Variants in ELOF1 observed in about 807,000 individuals in gnomAD.
The protein encoded by ELOF1 is elongation factor 1, also known as transcription elongation factor 1 homolog.
A neutral mutation model predicts 7.1 loss-of-function variants in ELOF1; 4 were observed. The ratio of observed to expected loss-of-function variants is 0.56; its 90% CI spans 0.28 to 1.29. The LOEUF (loss-of-function observed/expected upper bound fraction) is 1.29. Among genes scored for constraint, ELOF1 ranks in the 50% most tolerant of loss-of-function variants. The pLI is 0.10. For synonymous variants in ELOF1, 31 were observed against 31.9 expected (o/e 0.97, Z 0.09); for missense variants, 59 against 86.3 (o/e 0.68, Z 1.25).
chr19:11,555,970 T>C (rs559678235), intron 1 of ELOF1, among the ~76,000 whole-genome samples: 3 of 151,976 alleles, frequency 2.0e-5, no homozygotes, highest in South Asian at 4.2e-4. Context: ...TTCTCTGATG[T>C]CTAACACATA....
intron 1 of ELOF1, among the ~76,000 whole-genome samples, chr19:11,556,743 G>A (rs1972840405): frequency 6.6e-6 from 1 of 152,144 alleles, no homozygotes; most frequent in Non-Finnish European, 1.5e-5. Flanking sequence ...TGTTGCCCAG[G>A]CTGGAGTGCA....
intron 3 of ELOF1, chr19:11,553,582 TA>T (rs1972768463): frequency 5.5e-6 from 3 of 546,314 alleles, no homozygotes; most frequent in African/African-American, 2.1e-5. Flanking sequence ...GCACACCCAC[TA>T]CACACACACA....
chr19:11,554,522 A>T (rs1972799336), intron 1 of ELOF1, 157 bp from the exon 2 acceptor site: 3 of 1,068,672 alleles, frequency 2.8e-6, no homozygotes, highest in Admixed American at 5.8e-5. Context: ...ATGCAGGAGG[A>T]CAATTCCCTG....
chr19:11,557,227 T>C (rs1259640901), intron 1 of ELOF1, among the ~76,000 whole-genome samples: 1 of 152,126 alleles, frequency 6.6e-6, no homozygotes, highest in Non-Finnish European at 1.5e-5. Flanking sequence ...GTGCTCCCTG[T>C]CCTCTGCCTC....
chr19:11,554,776 TA>T (rs879666033), intron 1 of ELOF1: 978 of 159,614 alleles, frequency 6.1e-3, no homozygotes, highest in Middle Eastern at 0.012. Flanking sequence ...GCCTCATCTC[TA>T]AAAAAAAAAA....
chr19:11,553,291 G>A (rs772365492), intron 3 of ELOF1: 44 of 409,596 alleles, frequency 1.1e-4, no homozygotes, highest in Non-Finnish European at 1.6e-4. Context: ...GTGCTGGTGA[G>A]GAGGCTGGAG....
chr19:11,557,954 T>A (rs2145061465), intron 1 of ELOF1, among the ~76,000 whole-genome samples: 1 of 152,318 alleles, frequency 6.6e-6, no homozygotes, highest in South Asian at 2.1e-4. Flanking sequence ...TAGGGCTTCA[T>A]GCCTACTCTA....
At position 11,554,240 on chromosome 19, in the gene ELOF1, A is replaced by G. The variant is rs759993365; in HGVS notation, c.108T>C (p.Asp36=). Residue 36 remains aspartate, a synonymous_variant, in exon 2 of 4, where the codon GAT becomes GAC. Coordinates refer to ENST00000586683, the Ensembl canonical transcript of ELOF1. The stretch of plus-strand genomic sequence containing the variant: ...CCCTGTTCCCCACTCACATTTTCAC[A>G]TCACAGGATTTCTCGTGGTTGCAGA... 1.9e-6 allele frequency: 3 copies of G among 1,612,910 alleles called. No individual in the cohort carries two copies. In the East Asian group the frequency reaches 6.7e-5, roughly 36 times the overall value.
At chr19:11,553,854 GC>G (rs1972781121) in intron 3 of ELOF1, 44 bp from the exon 4 acceptor site, 1 of 1,613,386 alleles carries the variant, frequency 6.2e-7, no homozygotes, top group Non-Finnish European at 8.5e-7. Flanking sequence ...TTGGAACCCT[GC>G]CCTGCATCTT....
chr19:11,554,823 T>C (rs1972804800), intron 1 of ELOF1: 1 of 160,508 alleles, frequency 6.2e-6, no homozygotes, highest in Non-Finnish European at 1.4e-5. Context: ...TGCAGGCCTG[T>C]AGTCCCAGCT....
chr19:11,556,720 T>C (rs764780702), intron 1 of ELOF1, among the ~76,000 whole-genome samples: 39 of 152,156 alleles, frequency 2.6e-4, no homozygotes, highest in Non-Finnish European at 4.0e-4. Flanking sequence ...ATCTAAGAGA[T>C]GAGGTCTTGC....
At chr19:11,557,665 T>A (rs891969241) in intron 1 of ELOF1, among the ~76,000 whole-genome samples, 1 of 140,316 alleles carries the variant, frequency 7.1e-6, no homozygotes, top group Non-Finnish European at 1.5e-5. Context: ...GAGGCCGAGG[T>A]GGGCAGATCA....
chr19:11,556,197 C>T (rs552219222), intron 1 of ELOF1, among the ~76,000 whole-genome samples: 12 of 152,318 alleles, frequency 7.9e-5, no homozygotes, highest in African/African-American at 2.9e-4. Flanking sequence ...GTTCTAGCAT[C>T]GTTCCACTGT....
chr19:11,555,557 C>G (rs1464363630), intron 1 of ELOF1: 1 of 152,368 alleles, frequency 6.6e-6, no homozygotes, highest in Non-Finnish European at 1.5e-5. Flanking sequence ...TATCTGATGG[C>G]CTCGATCCAG....
At chr19:11,553,745 G>T (rs1008005312) in intron 3 of ELOF1, 2 of 1,614,186 alleles carry the variant, frequency 1.2e-6, no homozygotes, top group South Asian at 1.1e-5. Context: ...CCTCTGTGTC[G>T]CTACTGATTG....
chr19:11,553,582 TACACACACACACACACACACACACAC>T lies in ELOF1; in HGVS notation c.187+403_187+428del, dbSNP rs57015096. 9.4e-4 allele frequency: 570 copies of T among 606,014 alleles called. 2 individuals are homozygous for T. The highest frequency in any genetic ancestry group is 4.1e-3 in the South Asian group (208 of 50,236). 37.5% of individuals were successfully genotyped at this position (606,014 alleles called of 1,614,324 possible). On this transcript the variant is annotated intron_variant, in intron 3 of 3. Coordinates refer to ENST00000586683, the Ensembl canonical transcript of ELOF1. ...CACCCACACCCACACGCACACCCAC[TACACACACACACACACACACACACAC>T]ACACACACACACACACACACACACG...
intron 3 of ELOF1, 63 bp downstream of exon 3, chr19:11,553,948 A>T (rs1447105094): frequency 6.2e-7 from 1 of 1,611,884 alleles, no homozygotes; most frequent in Non-Finnish European, 8.5e-7. Context: ...GGGCCAGATG[A>T]GCAGGGTCCG....
At chr19:11,555,925 G>A (rs921798274) in intron 1 of ELOF1, among the ~76,000 whole-genome samples, 4 of 152,112 alleles carry the variant, frequency 2.6e-5, no homozygotes, top group South Asian at 2.1e-4. Context: ...AGGTTGTGGC[G>A]GGGACATAGT....
rs57015096 is a variant in ELOF1, at chr19:11,553,582, TACACACACACAC to T, written c.187+417_187+428del. On this transcript the variant is annotated intron_variant, in intron 3 of 3. Transcript: ENST00000586683. Reference sequence around the variant, plus strand: ...CACCCACACCCACACGCACACCCACTACACACACACACACACACACACACACACACACACACA... The same window carrying T: ...CACCCACACCCACACGCACACCCACTACACACACACACACACACACACACA... 8.6e-3 allele frequency: 5,227 copies of T among 604,898 alleles called. 23 individuals are homozygous for T. The highest frequency in any genetic ancestry group is 0.021 in the South Asian group (1,063 of 50,162). 37.5% of individuals were successfully genotyped at this position (604,898 alleles called of 1,614,324 possible). A position where few individuals can be genotyped will look rare whatever the true frequency, so the allele number is the denominator to read the frequency against.
Sources: allele counts gnomAD v4.1 joint callset (sites outside exome capture counted in the v4.1 genomes callset), GRCh38; gene constraint gnomAD v4.1.1; transcripts MANE v1.5; gene names NCBI Gene and HGNC (gene_info 2026-07-23, HGNC 2026-07-21).